SCYL3: variants seen among roughly 807,000 people sequenced by gnomAD.
SCYL3 encodes the protein SCY1 like pseudokinase 3, also known as protein-associating with the carboxyl-terminal domain of ezrin.
In SCYL3, 35 loss-of-function variants were observed where a neutral mutation model predicts 73.8. The ratio of observed to expected loss-of-function variants is 0.47; its 90% confidence interval spans 0.36 to 0.63. The LOEUF is 0.63. Among genes scored for constraint, SCYL3 ranks in the 20% least tolerant of loss-of-function variants. The probability of loss-of-function intolerance (pLI) is 0.00; values close to 1 mark genes in which losing one functional copy is unlikely to be tolerated. For synonymous variants in SCYL3, 277 were observed against 295.2 expected (o/e 0.94, Z 0.63); for missense variants, 712 against 798.9 (o/e 0.89, Z 1.31).
At chr1:169,875,591 A>G (rs1399817841) in intron 4 of SCYL3, among the ~76,000 whole-genome samples, 1 of 152,232 alleles carries the variant, frequency 6.6e-6, no homozygotes, top group African/African-American at 2.4e-5. Flanking sequence ...AGGTATAAAG[A>G]TAAGAGACTC....
chr1:169,893,666 G>T (rs1662247379), intron 1 of SCYL3, 122 bp downstream of exon 1: 1 of 151,018 alleles, frequency 6.6e-6, no homozygotes, highest in Non-Finnish European at 1.5e-5. Context: ...TCGCTCCCGC[G>T]CGGGCCCCAG....
In SCYL3 at chr1:169,851,486, C is replaced by T. The variant is rs1203035458; in HGVS notation, c.*2227G>A. The stretch of plus-strand genomic sequence containing the variant: ...GTCCTGGGATTAGAGGCATGAGCCA[C>T]CACACTTGGCCTACTTATATTACAT... On this transcript the variant is annotated 3_prime_UTR_variant, in exon 13 of 13. Coordinates refer to ENST00000367771, the MANE Select transcript of SCYL3 (RefSeq NM_020423.7). The T allele has an allele frequency of 5.1e-6, 1 of 195,850 alleles. No individual in the cohort carries two copies. The highest frequency in any genetic ancestry group is 1.0e-5 in the Non-Finnish European group (1 of 96,526). The allele number at this position is 195,850 out of a possible 1,614,324, so 12.1% of individuals were successfully genotyped here.
rs1484264677 is a variant in SCYL3, at chr1:169,850,057, TAA to T, written c.*3654_*3655del. On this transcript the variant is annotated 3_prime_UTR_variant, in exon 13 of 13. Transcript: ENST00000367771. ...AAGCATTAGTATGACCCAGCAGAAG[TAA>T]TTAAAGCTTACAACACTTGTACAGA... is the stretch of plus-strand genomic sequence containing the variant. 1.1e-4 allele frequency: 62 copies of T among 564,236 alleles called. No homozygotes were observed. The highest frequency in any genetic ancestry group is 8.1e-4 in the East Asian group (28 of 34,430). The allele number at this position is 564,236 out of a possible 1,614,324, so 35.0% of individuals were successfully genotyped here.
intron 4 of SCYL3, among the ~76,000 whole-genome samples, chr1:169,875,288 GTTT>G (rs1380757848): frequency 6.6e-6 from 1 of 152,186 alleles, no homozygotes; most frequent in Non-Finnish European, 1.5e-5. Flanking sequence ...GATGGAAATG[GTTT>G]TTATTTTTTC....
In SCYL3 at chr1:169,852,315, T is replaced by C. The variant is rs1038932756; in HGVS notation, c.*1398A>G. The C allele has an allele frequency of 1.6e-5, 5 of 303,416 alleles. No individual in the cohort carries two copies. Among genetic ancestry groups the C allele is most frequent in the Non-Finnish European group, 3.1e-5 (5 of 160,746 alleles). The allele number at this position is 303,416 out of a possible 1,614,324, so 18.8% of individuals were successfully genotyped here. A position where few individuals can be genotyped will look rare whatever the true frequency, so the allele number is the denominator to read the frequency against. On this transcript the variant is annotated 3_prime_UTR_variant, in exon 13 of 13. Transcript: ENST00000367771. ...TCTCCTAATAATTTTTGGCAGTAACTGAAGATCACATCTACTTATTAAAAG... is the reference window on the plus strand; with the variant it reads ...TCTCCTAATAATTTTTGGCAGTAACCGAAGATCACATCTACTTATTAAAAG...
chr1:169,890,036 G>A (rs1661965571), intron 1 of SCYL3, among the ~76,000 whole-genome samples: 1 of 152,186 alleles, frequency 6.6e-6, no homozygotes, highest in African/African-American at 2.4e-5. Flanking sequence ...GGTGACAACA[G>A]GTAATGTGCA....
rs905828264 is a variant in SCYL3, at chr1:169,881,578, C to T, written c.166-2759G>A. 6.6e-5 allele frequency among the ~76,000 whole-genome samples: 10 copies of T among 152,302 alleles called. No individual in the cohort carries two copies. The East Asian group carries it at 1.9e-3, about 29-fold the overall frequency. On this transcript the variant is annotated intron_variant, in intron 2 of 12. Transcript: ENST00000367771. Reference sequence around the variant, plus strand: ...CATATTTGTACCCATTAATCAACCTCTCTTCATCCCCTACAATCCCCTACC... The same window carrying T: ...CATATTTGTACCCATTAATCAACCTTTCTTCATCCCCTACAATCCCCTACC...
rs1347225755 is a variant in SCYL3, at chr1:169,852,886, C to CT, written c.*826dup. On this transcript the variant is annotated 3_prime_UTR_variant, in exon 13 of 13. Transcript: ENST00000367771. ...AGGGGCTTTGGAAGCAACTGAGTCA[C>CT]TACTCCAAAAGGGTCCTGCTCCAGC... 6.2e-7 allele frequency: 1 copy of CT among 1,614,150 alleles called. No homozygotes were observed. Among genetic ancestry groups the CT allele is most frequent in the Non-Finnish European group, 8.5e-7 (1 of 1,179,992 alleles).
chr1:169,881,464 A>T (rs1177924503), intron 2 of SCYL3, among the ~76,000 whole-genome samples: 5 of 152,190 alleles, frequency 3.3e-5, no homozygotes, highest in Admixed American at 1.3e-4. Flanking sequence ...TAGTTATGTA[A>T]AAATATACAA....
Position 169,882,079 on chromosome 1 carries a change from C to T in SCYL3, c.166-3260G>A, listed in dbSNP as rs1661308644. On this transcript the variant is annotated intron_variant, in intron 2 of 12. Coordinates refer to ENST00000367771, the MANE Select transcript of SCYL3 (RefSeq NM_020423.7). The stretch of plus-strand genomic sequence containing the variant: ...CCTTCTGGGCTGGCCAAGGCCGGAG[C>T]CGGTTCCCTCAGCTTGCAGGGAGGT... Among the ~76,000 whole-genome samples the T allele has an allele frequency of 2.0e-5, 3 of 152,212 alleles. No individual in the cohort carries two copies. The South Asian group carries it at 6.2e-4, about 32-fold the overall frequency.
chr1:169,885,672 G>A (rs1302123646), intron 2 of SCYL3, among the ~76,000 whole-genome samples: 1 of 151,982 alleles, frequency 6.6e-6, no homozygotes, highest in Admixed American at 6.6e-5. Context: ...AAAGAGAAAG[G>A]AATAAAAATT....
At chr1:169,870,918 T>A (rs1216885313) in intron 5 of SCYL3, among the ~76,000 whole-genome samples, 1 of 152,220 alleles carries the variant, frequency 6.6e-6, no homozygotes, top group Non-Finnish European at 1.5e-5. Context: ...GAGTTCATAT[T>A]TCCTGTAAAG....
rs920500419 is a variant in SCYL3, at chr1:169,854,385, G to C, written c.1892C>G (p.Pro631Arg). 3.1e-6 allele frequency: 5 copies of C among 1,614,048 alleles called. No individual in the cohort carries two copies. The East Asian group carries it at 1.1e-4, about 36-fold the overall frequency. ...AGGTAATATAAGAAAAGCAGCAGAAGGCTTAATTTCTGGGATCATATCAGC... is the reference window on the plus strand; with the variant it reads ...AGGTAATATAAGAAAAGCAGCAGAACGCTTAATTTCTGGGATCATATCAGC... Reference protein sequence around the residue: ...WFADMIPEIKPSAAFLILPEL... With the variant: ...WFADMIPEIKRSAAFLILPEL... Residue 631 changes from proline to arginine, a missense_variant, in exon 12 of 13, where the codon CCT becomes CGT. Physicochemically the swap from Pro to Arg is moderately radical, Grantham distance 103. This residue lies in a region of SCYL3 where 370 missense variants were observed against 350.8 expected (regional missense o/e 1.05). Transcript: ENST00000367771.
intron 3 of SCYL3, among the ~76,000 whole-genome samples, chr1:169,876,938 G>C (rs1404042898): frequency 2.8e-5 from 3 of 108,790 alleles, no homozygotes; most frequent in Non-Finnish European, 5.0e-5. Context: ...CTAGGCGACA[G>C]AGTGAGACCT....
chr1:169,866,128 T>C (rs1660018097), intron 8 of SCYL3, among the ~76,000 whole-genome samples: 1 of 152,250 alleles, frequency 6.6e-6, no homozygotes, highest in Non-Finnish European at 1.5e-5. Context: ...TATCCAACAC[T>C]GAAGTCATAA....
intron 8 of SCYL3, 61 bp from the exon 9 acceptor site, chr1:169,864,569 C>A: frequency 6.7e-7 from 1 of 1,486,674 alleles, no homozygotes; most frequent in Non-Finnish European, 9.0e-7. Context: ...CTTACTTGTA[C>A]AGTTTAGCCT....
chr1:169,884,607 G>A (rs1035901484), intron 2 of SCYL3, among the ~76,000 whole-genome samples: 1 of 152,130 alleles, frequency 6.6e-6, no homozygotes, highest in Non-Finnish European at 1.5e-5. Flanking sequence ...CTACAGGTGT[G>A]TTTTGAGCTA....
In SCYL3 at chr1:169,854,285, T is replaced by G; in HGVS notation, c.1992A>C (p.Ala664=). 1.2e-6 allele frequency: 2 copies of G among 1,604,902 alleles called. No individual in the cohort carries two copies. Among genetic ancestry groups the G allele is most frequent in the Non-Finnish European group, 1.7e-6 (2 of 1,176,652 alleles). ...PVMQFSSKFA[A]AEITEGEAEG... ...AAGTACTCACCTCAGTAATTTCTGC[T>G]GCAGCAAATTTTGAGGAAAACTGCA... Residue 664 remains alanine, a synonymous_variant, in exon 12 of 13, where the codon GCA becomes GCC. Transcript: ENST00000367771.
chr1:169,856,704 G>T (rs1200145842), intron 11 of SCYL3, among the ~76,000 whole-genome samples: 9 of 152,060 alleles, frequency 5.9e-5, no homozygotes, highest in African/African-American at 2.2e-4. Context: ...TCTGAACCAT[G>T]TTCTCCACCT....
Sources: gnomAD v4.1 joint callset for allele counts (sites outside exome capture counted in the v4.1 genomes callset) on GRCh38, gnomAD v4.1.1 for gene constraint, gnomAD v4.1.1 regional missense constraint, MANE v1.5 for transcripts, NCBI Gene and HGNC (gene_info 2026-07-23, HGNC 2026-07-21) for gene names.